The following GALNT16 variants were observed in gnomAD, a reference collection of about 807,000 sequenced individuals.
GALNT16 encodes UDP-GalNAc:polypeptide N-acetylgalactosaminyltransferase-like protein 1.
Under a neutral mutation model 76.1 loss-of-function variants are expected in GALNT16, and 40 were observed. The observed-to-expected ratio is 0.53, with a 90% CI of 0.41 to 0.68. The LOEUF is 0.68. Among genes scored for constraint, GALNT16 ranks in the 30% least tolerant of loss-of-function variants. GALNT16 has a pLI of 0.00. For synonymous variants in GALNT16, 276 were observed against 285.2 expected (o/e 0.97, Z 0.32); for missense variants, 621 against 731.9 (o/e 0.85, Z 1.75).
chr14:69,306,363 A>G (rs1028160332), intron 1 of GALNT16, among the ~76,000 whole-genome samples: 4 of 152,218 alleles, frequency 2.6e-5, no homozygotes, highest in African/African-American at 9.6e-5. Context: ...GACCCCTAAA[A>G]TTGAATCACA....
rs149718322 is a variant in GALNT16, at chr14:69,337,962, A to G, written c.968-689A>G. Among the ~76,000 whole-genome samples the G allele has an allele frequency of 9.8e-5, 15 of 152,364 alleles. No homozygotes were observed. In the East Asian group the frequency reaches 2.9e-3, roughly 29 times the overall value. On this transcript the variant is annotated intron_variant, in intron 9 of 14. Coordinates refer to ENST00000448469, the MANE Select transcript of GALNT16 (RefSeq NM_001168368.2). ...TTATGTGAGATTCAGCCAGCTGTCAAGGTGGGTCCTTACCATAAATGGCAA... is the reference window on the plus strand; with the variant it reads ...TTATGTGAGATTCAGCCAGCTGTCAGGGTGGGTCCTTACCATAAATGGCAA...
chr14:69,322,987 C>T (rs939181743), intron 2 of GALNT16, among the ~76,000 whole-genome samples: 523 of 19,440 alleles, frequency 0.027, 10 homozygotes, highest in African/African-American at 0.069. Flanking sequence ...TGTGTGCGCG[C>T]GCACGCGCGC....
chr14:69,342,522 A>C (rs1438507366), intron 12 of GALNT16, among the ~76,000 whole-genome samples: 1 of 86,154 alleles, frequency 1.2e-5, no homozygotes, highest in Admixed American at 1.2e-4. Flanking sequence ...GGAAGGGGAG[A>C]GGGAGAGGAA....
At chr14:69,262,330 G>A (rs2044286855) in intron 1 of GALNT16, among the ~76,000 whole-genome samples, 1 of 152,206 alleles carries the variant, frequency 6.6e-6, no homozygotes, top group South Asian at 2.1e-4. Context: ...TCCTTCCAGA[G>A]TCCTGTAAGA....
rs532826057 is a variant in GALNT16, at chr14:69,319,120, G to A, written c.178-1591G>A. ...TGAGCATCTGTGTCTAGCATGGGGT[G>A]GGCCCAGTGGACACGAGGACATCTC... On this transcript the variant is annotated intron_variant, in intron 1 of 14. Coordinates refer to ENST00000448469, the MANE Select transcript of GALNT16 (RefSeq NM_001168368.2). 2.6e-5 allele frequency among the ~76,000 whole-genome samples: 4 copies of A among 152,348 alleles called. No homozygotes were observed. In the South Asian group the frequency reaches 8.3e-4, roughly 32 times the overall value.
At chr14:69,291,152 G>A (rs529592647) in intron 1 of GALNT16, among the ~76,000 whole-genome samples, 2 of 152,276 alleles carry the variant, frequency 1.3e-5, no homozygotes, top group South Asian at 4.1e-4. Context: ...AGTTAACTGG[G>A]CATAGTGGCA....
intron 1 of GALNT16, among the ~76,000 whole-genome samples, chr14:69,300,965 A>G (rs1477543775): frequency 6.6e-6 from 1 of 152,188 alleles, no homozygotes; most frequent in Admixed American, 6.5e-5. Flanking sequence ...TCTGCATCAT[A>G]TTCTCTCTCA....
chr14:69,263,864 C>G (rs948421139), intron 1 of GALNT16, among the ~76,000 whole-genome samples: 5 of 152,220 alleles, frequency 3.3e-5, no homozygotes, highest in Non-Finnish European at 7.3e-5. Context: ...TACGATGCGG[C>G]AAGGTTTGTG....
At chr14:69,270,148 C>T (rs2044389298) in intron 1 of GALNT16, among the ~76,000 whole-genome samples, 1 of 152,146 alleles carries the variant, frequency 6.6e-6, no homozygotes, top group Admixed American at 6.5e-5. Flanking sequence ...TCTGTTCAAG[C>T]AGACCCCCTG....
intron 1 of GALNT16, among the ~76,000 whole-genome samples, 182 bp from the exon 2 acceptor site, chr14:69,320,529 C>T (rs1007181481): frequency 6.6e-6 from 1 of 151,912 alleles, no homozygotes; most frequent in East Asian, 1.9e-4. Flanking sequence ...AAAAAAGAAA[C>T]CCTCTTGAGC....
At chr14:69,383,320 G>T in the GALNT16 span, among the ~76,000 whole-genome samples, 1 of 152,212 alleles carries the variant, frequency 6.6e-6, no homozygotes, top group Admixed American at 6.5e-5. Context: ...CACCTACGCT[G>T]TTTAAAAAGA....
chr14:69,281,829 C>G (rs987781193), intron 1 of GALNT16, among the ~76,000 whole-genome samples: 8 of 152,176 alleles, frequency 5.3e-5, no homozygotes, highest in African/African-American at 1.7e-4. Context: ...AGACACAGTC[C>G]TCTGCCCGAG....
At chr14:69,372,869 T>C in the GALNT16 span, among the ~76,000 whole-genome samples, 5 of 152,182 alleles carry the variant, frequency 3.3e-5, no homozygotes, top group Admixed American at 3.3e-4. Flanking sequence ...CCTAACACTC[T>C]GCAAGAAACA....
the GALNT16 span, among the ~76,000 whole-genome samples, chr14:69,365,783 GA>G: frequency 6.6e-6 from 1 of 151,440 alleles, no homozygotes. Flanking sequence ...GAGCTTAAAA[GA>G]AAAAAAAGAA....
chr14:69,320,940 T>C (rs2045172119), intron 2 of GALNT16, 72 bp downstream of exon 2: 2 of 1,406,564 alleles, frequency 1.4e-6, no homozygotes, highest in Non-Finnish European at 2.0e-6. Flanking sequence ...TTGTCTTCTT[T>C]TACGTGTATC....
the GALNT16 span, among the ~76,000 whole-genome samples, chr14:69,369,504 G>T: frequency 6.6e-6 from 1 of 152,122 alleles, no homozygotes; most frequent in Non-Finnish European, 1.5e-5. Flanking sequence ...TCCATGAGGA[G>T]GGGTGGTGAG....
At chr14:69,310,887 C>T (rs1258711758) in intron 1 of GALNT16, among the ~76,000 whole-genome samples, 1 of 152,006 alleles carries the variant, frequency 6.6e-6, no homozygotes, top group Non-Finnish European at 1.5e-5. Context: ...TGCACTCCAG[C>T]CGGGGTGACA....
chr14:69,293,246 A>G (rs1184550017), intron 1 of GALNT16, among the ~76,000 whole-genome samples: 1 of 152,246 alleles, frequency 6.6e-6, no homozygotes, highest in Non-Finnish European at 1.5e-5. Flanking sequence ...TCACTGCTGC[A>G]AAGAAACCCA....
At chr14:69,288,069 A>G (rs1009077471) in intron 1 of GALNT16, among the ~76,000 whole-genome samples, 2 of 152,238 alleles carry the variant, frequency 1.3e-5, no homozygotes, top group Non-Finnish European at 2.9e-5. Flanking sequence ...AGTGTCTGCC[A>G]CTGCCTAGCT....
Sources: allele counts gnomAD v4.1 joint callset (sites outside exome capture counted in the v4.1 genomes callset), GRCh38; gene constraint gnomAD v4.1.1; transcripts MANE v1.5; gene names NCBI Gene and HGNC (gene_info 2026-07-23, HGNC 2026-07-21).